DOCK4: variants seen among roughly 807,000 people sequenced by gnomAD.
DOCK4 encodes dedicator of cytokinesis 4, also known as dedicator of cytokinesis protein 4.
A neutral mutation model predicts 268.1 loss-of-function variants in DOCK4; 97 were observed. That is an observed-to-expected ratio of 0.36 (90% CI 0.31 to 0.43). The LOEUF is 0.43. Among genes scored for constraint, DOCK4 ranks in the 20% least tolerant of loss-of-function variants. The pLI is 1.00. For synonymous variants in DOCK4, 954 were observed against 887.2 expected, an observed-to-expected ratio of 1.08 and a Z score of -1.34; for missense variants, 2,145 against 2,455.7, an observed-to-expected ratio of 0.87 and a Z score of 2.67.
intron 30 of DOCK4, among the ~76,000 whole-genome samples, chr7:111,795,558 T>C (rs1444748334): frequency 1.3e-5 from 2 of 152,304 alleles, no homozygotes; most frequent in Non-Finnish European, 1.5e-5. Context: ...CGTGTCCTCT[T>C]GAAAATGATC....
chr7:111,923,261 G>A (rs1399467053), intron 12 of DOCK4, among the ~76,000 whole-genome samples: 1 of 152,128 alleles, frequency 6.6e-6, no homozygotes, highest in Non-Finnish European at 1.5e-5. Context: ...TTCAGCATTT[G>A]CAAATTTTGG....
intron 23 of DOCK4, among the ~76,000 whole-genome samples, chr7:111,847,426 A>G (rs1804195775): frequency 6.6e-6 from 1 of 151,872 alleles, no homozygotes; most frequent in Non-Finnish European, 1.5e-5. Flanking sequence ...ATTTTCGTTA[A>G]GATAGATCGC....
At chr7:112,198,752 C>T (rs1563180060) in intron 1 of DOCK4, among the ~76,000 whole-genome samples, 1 of 152,122 alleles carries the variant, frequency 6.6e-6, no homozygotes. Context: ...CATCGACTGC[C>T]TCTTCTCTAT....
At chr7:112,046,714 G>C (rs935115330) in intron 1 of DOCK4, among the ~76,000 whole-genome samples, 1 of 152,174 alleles carries the variant, frequency 6.6e-6, no homozygotes, top group African/African-American at 2.4e-5. Flanking sequence ...CAAGACAGCA[G>C]ATTTCAGGCA....
intron 8 of DOCK4, among the ~76,000 whole-genome samples, chr7:111,948,616 C>T (rs1355109980): frequency 2.7e-5 from 4 of 150,498 alleles, no homozygotes; most frequent in East Asian, 1.9e-4. Flanking sequence ...TTTCCCGAGA[C>T]GGAGTTTCAC....
At chr7:112,086,575 C>T (rs1809113572) in intron 1 of DOCK4, among the ~76,000 whole-genome samples, 1 of 152,106 alleles carries the variant, frequency 6.6e-6, no homozygotes, top group Admixed American at 6.6e-5. Context: ...ACACAGGTTC[C>T]TCCTGTTAAA....
chr7:111,754,538 CA>C (rs1250754837), intron 42 of DOCK4, among the ~76,000 whole-genome samples: 2 of 152,218 alleles, frequency 1.3e-5, no homozygotes, highest in South Asian at 2.1e-4. Context: ...GGCTCAAAAA[CA>C]AACACATTAT....
At chr7:111,861,964 C>CA in intron 23 of DOCK4, among the ~76,000 whole-genome samples, 1 of 151,938 alleles carries the variant, frequency 6.6e-6, no homozygotes, top group East Asian at 1.9e-4. Context: ...GGAGCCTAGA[C>CA]AGGAGGACCT....
intron 23 of DOCK4, among the ~76,000 whole-genome samples, chr7:111,862,271 C>G (rs899398238): frequency 2.6e-5 from 4 of 151,856 alleles, no homozygotes; most frequent in African/African-American, 7.3e-5. Context: ...TGCACTCCAG[C>G]CTGGGCAACA....
rs140997759 is a variant in DOCK4 at position 111,942,033 on chromosome 7, G to C, written c.845-1791C>G. Among the ~76,000 whole-genome samples the C allele has an allele frequency of 3.3e-3, 497 of 152,262 alleles. 2 individuals carry two copies. Among genetic ancestry groups the C allele is most frequent in the African/African-American group, 0.012 (482 of 41,560 alleles). Reference sequence around the variant, plus strand: ...AAGATGTTTTGGTGCCAGATCAGTGGCACCAACCCTAGAGTTAATAAGAAT... The same window carrying C: ...AAGATGTTTTGGTGCCAGATCAGTGCCACCAACCCTAGAGTTAATAAGAAT... On this transcript the variant is annotated intron_variant, in intron 10 of 52. Coordinates refer to ENST00000428084, the MANE Select transcript of DOCK4 (RefSeq NM_001363540.2).
intron 17 of DOCK4, among the ~76,000 whole-genome samples, chr7:111,873,092 A>T (rs903093554): frequency 6.6e-6 from 1 of 152,212 alleles, no homozygotes; most frequent in African/African-American, 2.4e-5. Flanking sequence ...GCAGACTAAA[A>T]GAATGGTAAC....
intron 1 of DOCK4, among the ~76,000 whole-genome samples, chr7:112,090,622 A>C (rs1397744574): frequency 5.3e-5 from 8 of 152,218 alleles, no homozygotes; most frequent in Admixed American, 2.0e-4. Flanking sequence ...GAAAAGGTTA[A>C]ATATACAAGC....
At chr7:111,981,142 A>G (rs888548264) in intron 7 of DOCK4, among the ~76,000 whole-genome samples, 7 of 152,224 alleles carry the variant, frequency 4.6e-5, no homozygotes, top group African/African-American at 1.7e-4. Flanking sequence ...ACTGACTAGG[A>G]AGAAGTAAAA....
At chr7:111,907,563 A>C (rs1179051663) in intron 13 of DOCK4, among the ~76,000 whole-genome samples, 1 of 152,052 alleles carries the variant, frequency 6.6e-6, no homozygotes, top group Non-Finnish European at 1.5e-5. Context: ...ACACATTAGA[A>C]TCTCGGCTTC....
chr7:111,884,715 T>C (rs1035085229), intron 16 of DOCK4, among the ~76,000 whole-genome samples: 2 of 152,024 alleles, frequency 1.3e-5, no homozygotes, highest in Non-Finnish European at 2.9e-5. Flanking sequence ...GCAACCTGGA[T>C]AAGGTAGGGA....
chr7:111,779,637 C>T (rs1274501545), intron 35 of DOCK4, among the ~76,000 whole-genome samples: 2 of 152,172 alleles, frequency 1.3e-5, no homozygotes, highest in African/African-American at 4.8e-5. Context: ...AACTGATCCA[C>T]CTGCCTCGGC....
chr7:112,004,340 A>C (rs1031093337), intron 1 of DOCK4, among the ~76,000 whole-genome samples: 1 of 152,208 alleles, frequency 6.6e-6, no homozygotes, highest in Non-Finnish European at 1.5e-5. Flanking sequence ...TATGCATTTC[A>C]CATATATGAA....
intron 1 of DOCK4, among the ~76,000 whole-genome samples, chr7:112,005,227 T>C (rs1800762249): frequency 6.6e-6 from 1 of 152,234 alleles, no homozygotes; most frequent in South Asian, 2.1e-4. Flanking sequence ...TTATTGCTAC[T>C]GTTGGGAATG....
rs373662099 is a variant in DOCK4, at chr7:111,741,233, A to G, written c.4920-19T>C. 2 of 1,612,694 alleles carry G rather than the reference A, an allele frequency of 1.2e-6. No homozygotes were observed. The highest frequency in any genetic ancestry group is 2.2e-5 in the East Asian group (1 of 44,890). On this transcript the variant is annotated intron_variant, in intron 46 of 52. Coordinates refer to ENST00000428084, the MANE Select transcript of DOCK4 (RefSeq NM_001363540.2). ...TAACGGGCTGTTTCAGGGGGAAAAA[A>G]AAGGTCATTAACTCAGTCTCCAAAT...
Sources: gnomAD v4.1 joint callset for allele counts (sites outside exome capture counted in the v4.1 genomes callset) on GRCh38, gnomAD v4.1.1 for gene constraint, MANE v1.5 for transcripts, NCBI Gene and HGNC (gene_info 2026-07-23, HGNC 2026-07-21) for gene names.